The following SNHG17 variants were observed in gnomAD, a reference collection of about 807,000 sequenced individuals.
SNHG17 encodes the protein small nucleolar RNA host gene 17 (non-protein coding).
Position 38,432,202 on chromosome 20 carries a change from T to A in SNHG17, n.309-1090A>T, listed in dbSNP as rs1009427239. 11 of 982,456 alleles carry A rather than the reference T, an allele frequency of 1.1e-5. No homozygotes were observed. In the African/African-American group the frequency reaches 1.9e-4, roughly 17 times the overall value. 60.9% of individuals were successfully genotyped at this position (982,456 alleles called of 1,614,324 possible). ...TAAACATTTCCTAAAAGTTGGCTAG[T>A]GTTAACAGTGGTCTACGGTCTCAGC... On this transcript the variant is annotated intron_variant and non_coding_transcript_variant, in intron 2 of 8. Coordinates refer to ENST00000654008, the Ensembl canonical transcript of SNHG17.
chr20:38,423,872 A>C (rs1307704922), intron 5 of SNHG17, among the ~76,000 whole-genome samples: 1 of 152,222 alleles, frequency 6.6e-6, no homozygotes, highest in Admixed American at 6.5e-5. Flanking sequence ...TAGACAATAA[A>C]CATTTTAAAA....
intron 3 of SNHG17, chr20:38,427,581 A>T: frequency 4.4e-6 from 1 of 229,096 alleles, no homozygotes; most frequent in Non-Finnish European, 9.1e-6. Flanking sequence ...CACCAAGGGG[A>T]ATCAAAGGGG....
intron 1 of SNHG17, chr20:38,435,152 C>T: frequency 1.5e-5 from 18 of 1,232,336 alleles, no homozygotes; most frequent in Non-Finnish European, 1.8e-5. Context: ...CAGTTTCCCC[C>T]GATGGTGAGA....
chr20:38,425,445 C>T (rs892103032), intron 5 of SNHG17: 5 of 417,398 alleles, frequency 1.2e-5, no homozygotes, highest in African/African-American at 6.2e-5. Context: ...CCTAGAATTG[C>T]AGCAGCTGCT....
chr20:38,424,755 AG>A (rs749311106), intron 5 of SNHG17, among the ~76,000 whole-genome samples: 6 of 152,122 alleles, frequency 3.9e-5, no homozygotes, highest in Non-Finnish European at 8.8e-5. Context: ...AGCTCTAGGA[AG>A]GGGTAACCAC....
chr20:38,423,900 G>C (rs2122687969), intron 5 of SNHG17, among the ~76,000 whole-genome samples: 1 of 152,286 alleles, frequency 6.6e-6, no homozygotes, highest in African/African-American at 2.4e-5. Context: ...GGGTGTGGTG[G>C]CTCACGCTTG....
intron 3 of SNHG17, chr20:38,429,593 C>T (rs73289201): frequency 1.2e-5 from 5 of 418,944 alleles, no homozygotes; most frequent in Middle Eastern, 3.6e-4. Context: ...TGCCCTGGGC[C>T]AGGGAGAAGA....
chr20:38,424,457 A>G (rs1273843034), intron 5 of SNHG17, among the ~76,000 whole-genome samples: 14 of 152,176 alleles, frequency 9.2e-5, no homozygotes, highest in African/African-American at 3.4e-4. Context: ...CACAGCCAGG[A>G]CTGAAGGTGG....
At chr20:38,433,254 G>A (rs2084367894) in intron 2 of SNHG17, among the ~76,000 whole-genome samples, 1 of 152,188 alleles carries the variant, frequency 6.6e-6, no homozygotes, top group African/African-American at 2.4e-5. Flanking sequence ...GGGATTACAG[G>A]TGTGAGCCAT....
intron 2 of SNHG17, among the ~76,000 whole-genome samples, chr20:38,433,215 A>T (rs1257299851): frequency 6.6e-6 from 1 of 152,038 alleles, no homozygotes; most frequent in Non-Finnish European, 1.5e-5. Flanking sequence ...GCCTCAAGTG[A>T]TCCACACTCC....
At chr20:38,429,884 T>C (rs2084315006) in intron 3 of SNHG17, 1 of 481,256 alleles carries the variant, frequency 2.1e-6, no homozygotes, top group East Asian at 6.3e-5. Flanking sequence ...ACAGAACAGC[T>C]GACAGGGCAA....
chr20:38,429,587 C>T (rs2084306223), intron 3 of SNHG17: 1 of 407,918 alleles, frequency 2.5e-6, no homozygotes, highest in African/African-American at 2.1e-5. Context: ...AATAACTGCC[C>T]TGGGCCAGGG....
intron 2 of SNHG17, chr20:38,434,481 T>G (rs2084396780): frequency 5.9e-6 from 1 of 169,418 alleles, no homozygotes; most frequent in African/African-American, 2.4e-5. Flanking sequence ...TTCCCCAAGG[T>G]GCGCAGAAGC....
chr20:38,426,277 G>C (rs1298341266), intron 4 of SNHG17: 3 of 152,200 alleles, frequency 2.0e-5, no homozygotes, highest in Admixed American at 2.0e-4. Context: ...GAGGAAAAGA[G>C]GGTGTCACAT....
intron 3 of SNHG17, among the ~76,000 whole-genome samples, chr20:38,426,947 C>T (rs774672230): frequency 6.7e-6 from 1 of 148,644 alleles, no homozygotes; most frequent in Non-Finnish European, 1.5e-5. Context: ...AGGCCAATGA[C>T]ATGTAAAGAT....
At position 38,435,313 on chromosome 20, in the gene SNHG17, G is replaced by C. The variant is rs1245609421; in HGVS notation, n.69C>G. 5.7e-6 allele frequency: 7 copies of C among 1,231,420 alleles called. No homozygotes were observed. The Middle Eastern group carries it at 1.6e-3, about 274-fold the overall frequency. 76.3% of individuals were successfully genotyped at this position (1,231,420 alleles called of 1,614,324 possible). A position where few individuals can be genotyped will look rare whatever the true frequency, so the allele number is the denominator to read the frequency against. On this transcript the variant is annotated non_coding_transcript_exon_variant, in exon 1 of 9. Coordinates refer to ENST00000654008, the Ensembl canonical transcript of SNHG17. ...GGCGTGCGATGGCGAAGGACGGCGA[G>C]GGACGGCGAAGGACTGAGGCCACAC...
chr20:38,422,765 G>A (rs905404678), intron 5 of SNHG17, among the ~76,000 whole-genome samples: 1 of 151,886 alleles, frequency 6.6e-6, no homozygotes, highest in East Asian at 1.9e-4. Flanking sequence ...ACACACACAC[G>A]CACACACAAC....
intron 2 of SNHG17, among the ~76,000 whole-genome samples, chr20:38,432,895 C>G (rs992279295): frequency 3.3e-5 from 5 of 151,846 alleles, no homozygotes; most frequent in African/African-American, 1.2e-4. Context: ...AGCGATCCAC[C>G]CACCTCAGTC....
chr20:38,431,721 C>T (rs905155360), intron 2 of SNHG17, among the ~76,000 whole-genome samples: 2 of 152,134 alleles, frequency 1.3e-5, no homozygotes, highest in African/African-American at 4.8e-5. Context: ...GCGTTTGGGA[C>T]CAAGGTACAG....
Sources: allele counts gnomAD v4.1 joint callset (sites outside exome capture counted in the v4.1 genomes callset), GRCh38; gene constraint gnomAD v4.1.1; transcripts MANE v1.5; gene names NCBI Gene and HGNC (gene_info 2026-07-23, HGNC 2026-07-21).